Variants in RBFOX1 observed in about 807,000 individuals in gnomAD.
RBFOX1 encodes the protein RNA binding protein fox-1 homolog 1.
RBFOX1 carries 8 observed loss-of-function variants against 57.7 expected under a neutral mutation model. That is an observed-to-expected ratio of 0.14 (90% CI 0.08 to 0.25). The LOEUF (loss-of-function observed/expected upper bound fraction) is 0.25, where lower values mean the gene tolerates loss of function less well. Among genes scored for constraint, RBFOX1 ranks in the 10% least tolerant of loss-of-function variants. RBFOX1 has a pLI of 1.00. For missense variants in RBFOX1, 611 were observed against 548.5 expected (o/e 1.11, Z -1.14); for synonymous variants, 326 against 222.4 (o/e 1.47, Z -4.15).
chr16:5,359,665 G>A (rs996589868), intron 1 of RBFOX1, among the ~76,000 whole-genome samples: 4 of 152,130 alleles, frequency 2.6e-5, no homozygotes, highest in Non-Finnish European at 2.9e-5. Flanking sequence ...CAGATTGTTA[G>A]ACTTTTCCTA....
intron 4 of RBFOX1, among the ~76,000 whole-genome samples, chr16:7,287,447 C>G (rs1009153739): frequency 6.6e-6 from 1 of 152,094 alleles, no homozygotes; most frequent in East Asian, 1.9e-4. Context: ...CTCTAAAGGA[C>G]CAGGACAGCG....
rs549941264 is a variant in RBFOX1 at position 6,616,510 on chromosome 16, A to C, written c.-63-38093A>C. 3.9e-5 allele frequency among the ~76,000 whole-genome samples: 6 copies of C among 152,196 alleles called. No homozygotes were observed. The South Asian group carries it at 1.2e-3, about 32-fold the overall frequency. ...GCTAACAAGGTGAAACCCCGACTCT[A>C]CTAAAAATACAAAAAATTAGCCAGG... On this transcript the variant is annotated intron_variant, in intron 2 of 15. Coordinates refer to ENST00000550418, the MANE Select transcript of RBFOX1 (RefSeq NM_018723.4).
intron 3 of RBFOX1, among the ~76,000 whole-genome samples, chr16:5,617,694 T>C (rs2048078827): frequency 6.6e-6 from 1 of 152,188 alleles, no homozygotes; most frequent in South Asian, 2.1e-4. Context: ...AAAGCTAGTG[T>C]TTTTTCTGTC....
chr16:7,510,487 CTGTGTGTGTGTG>C (rs59583874), intron 4 of RBFOX1, among the ~76,000 whole-genome samples: 1 of 149,570 alleles, frequency 6.7e-6, no homozygotes, highest in African/African-American at 2.5e-5. Context: ...GTATGTGTGT[CTGTGTGTGTGTG>C]TGTGTGTGTG....
chr16:5,533,070 G>A (rs1381577489), intron 2 of RBFOX1, among the ~76,000 whole-genome samples: 2 of 152,152 alleles, frequency 1.3e-5, no homozygotes, highest in African/African-American at 2.4e-5. Flanking sequence ...AATTTTTCTT[G>A]TTTTGCCTCT....
chr16:7,055,438 A>C (rs984811132), intron 4 of RBFOX1, among the ~76,000 whole-genome samples: 2 of 152,150 alleles, frequency 1.3e-5, no homozygotes, highest in East Asian at 3.9e-4. Flanking sequence ...AGTGGTTTGC[A>C]ATCCCTGTGC....
At chr16:6,960,506 C>G (rs1338955714) in intron 3 of RBFOX1, among the ~76,000 whole-genome samples, 1 of 152,074 alleles carries the variant, frequency 6.6e-6, no homozygotes, top group African/African-American at 2.4e-5. Flanking sequence ...GCAGCCTGAC[C>G]CTCAGTTTGG....
intron 4 of RBFOX1, among the ~76,000 whole-genome samples, chr16:7,450,569 G>C (rs1323302417): frequency 2.0e-5 from 3 of 152,116 alleles, no homozygotes; most frequent in Admixed American, 2.0e-4. Flanking sequence ...GATGCTGCGT[G>C]AGTGTCTTAA....
chr16:5,401,486 C>G (rs971143180), intron 1 of RBFOX1, among the ~76,000 whole-genome samples: 1 of 152,134 alleles, frequency 6.6e-6, no homozygotes, highest in South Asian at 2.1e-4. Context: ...GGCCCCTCCT[C>G]CTGCCGTTAG....
intron 1 of RBFOX1, among the ~76,000 whole-genome samples, chr16:6,312,068 G>A (rs182116056): frequency 3.9e-5 from 6 of 152,296 alleles, no homozygotes; most frequent in Admixed American, 3.9e-4. Flanking sequence ...TTCCCTGCCT[G>A]CAGGGTGGGT....
intron 5 of RBFOX1, among the ~76,000 whole-genome samples, chr16:7,561,073 C>G (rs548314750): frequency 1.3e-5 from 2 of 152,274 alleles, no homozygotes; most frequent in East Asian, 3.9e-4. Context: ...CCATATGTAG[C>G]AAATGTTCTT....
At chr16:6,569,072 A>G (rs1182178942) in intron 2 of RBFOX1, among the ~76,000 whole-genome samples, 1 of 152,198 alleles carries the variant, frequency 6.6e-6, no homozygotes, top group Non-Finnish European at 1.5e-5. Flanking sequence ...ATAATATGCT[A>G]CTTAAGAATA....
chr16:6,577,201 C>T (rs2097453219), intron 2 of RBFOX1: 1 of 152,096 alleles, frequency 6.6e-6, no homozygotes. Flanking sequence ...CCCACTCTTC[C>T]CTGCCATGAC....
chr16:5,552,910 G>A (rs900502871), intron 2 of RBFOX1, among the ~76,000 whole-genome samples: 2 of 152,016 alleles, frequency 1.3e-5, no homozygotes, highest in Non-Finnish European at 1.5e-5. Flanking sequence ...AACAGCTTGG[G>A]GCAAGAATTC....
At chr16:5,697,854 T>C (rs548616392) in intron 3 of RBFOX1, among the ~76,000 whole-genome samples, 31 of 152,324 alleles carry the variant, frequency 2.0e-4, no homozygotes, top group Non-Finnish European at 3.2e-4. Flanking sequence ...GTTTCAACTT[T>C]AAGCATGATC....
At chr16:5,264,978 C>T (rs1161391905) in intron 1 of RBFOX1, among the ~76,000 whole-genome samples, 2 of 152,008 alleles carry the variant, frequency 1.3e-5, no homozygotes, top group Non-Finnish European at 2.9e-5. Context: ...CTAACCTATT[C>T]TGACTGATCA....
chr16:6,713,255 C>T (rs1296581913), intron 3 of RBFOX1, among the ~76,000 whole-genome samples: 2 of 97,086 alleles, frequency 2.1e-5, no homozygotes, highest in Non-Finnish European at 4.3e-5. Flanking sequence ...CTGACCATAT[C>T]ATACCTGGGT....
At chr16:6,566,500 A>AT (rs1476127229) in intron 2 of RBFOX1, among the ~76,000 whole-genome samples, 2 of 152,206 alleles carry the variant, frequency 1.3e-5, no homozygotes, top group African/African-American at 4.8e-5. Flanking sequence ...AGACTTTGTC[A>AT]TTAATGTGTA....
In RBFOX1 at chr16:6,638,416, G is replaced by C. The variant is rs2098461699; in HGVS notation, c.-63-16187G>C. Among the ~76,000 whole-genome samples, 4 of 152,128 alleles carry C rather than the reference G, an allele frequency of 2.6e-5. No homozygotes were observed. The South Asian group carries it at 8.3e-4, about 32-fold the overall frequency. ...GAAAATTTAAGTAGTTATTTCTCAG[G>C]TGAGTTTTAAAATTCATCCTTAGAG... On this transcript the variant is annotated intron_variant, in intron 2 of 15. Transcript: ENST00000550418.
Sources: gnomAD v4.1 joint callset for allele counts (sites outside exome capture counted in the v4.1 genomes callset) on GRCh38, gnomAD v4.1.1 for gene constraint, MANE v1.5 for transcripts, NCBI Gene and HGNC (gene_info 2026-07-23, HGNC 2026-07-21) for gene names.